The following PIP5K1B variants were observed in gnomAD, a reference collection of about 807,000 sequenced individuals.
PIP5K1B encodes phosphatidylinositol 4-phosphate 5-kinase type-1 beta.
In PIP5K1B, 42 loss-of-function variants were observed where a neutral mutation model predicts 67.0. The observed-to-expected ratio is 0.63, with a 90% confidence interval of 0.49 to 0.81. PIP5K1B has a LOEUF of 0.81. PIP5K1B is among the 30% of genes least tolerant of loss of function. The pLI, the probability that PIP5K1B is intolerant of heterozygous loss-of-function variation, is 0.00. For synonymous variants in PIP5K1B, 214 were observed against 231.4 expected (o/e 0.92, Z 0.68); for missense variants, 459 against 646.3 (o/e 0.71, Z 3.14).
At chr9:68,903,885 C>T (rs564942130) in intron 8 of PIP5K1B, among the ~76,000 whole-genome samples, 38 of 152,250 alleles carry the variant, frequency 2.5e-4, no homozygotes, top group East Asian at 1.7e-3. Flanking sequence ...TCATCAAATA[C>T]GTATATACAA....
intron 14 of PIP5K1B, chr9:68,941,032 A>T: frequency 1.7e-6 from 1 of 605,294 alleles, no homozygotes; most frequent in Non-Finnish European, 3.1e-6. Flanking sequence ...ACTTGGCTCA[A>T]TGGAAGAAGA....
chr9:68,858,434 G>A (rs886321293), intron 4 of PIP5K1B, among the ~76,000 whole-genome samples: 1 of 152,122 alleles, frequency 6.6e-6, no homozygotes, highest in Non-Finnish European at 1.5e-5. Flanking sequence ...CCTCATCCCT[G>A]GTAAAAATGC....
intron 4 of PIP5K1B, among the ~76,000 whole-genome samples, chr9:68,857,126 G>A (rs933200537): frequency 1.5e-4 from 23 of 152,166 alleles, no homozygotes; most frequent in Admixed American, 9.2e-4. Context: ...TGGACTCTAG[G>A]AACTGATTCC....
At chr9:68,777,412 G>A (rs541346562) in intron 2 of PIP5K1B, among the ~76,000 whole-genome samples, 7 of 152,288 alleles carry the variant, frequency 4.6e-5, no homozygotes, top group South Asian at 4.1e-4. Flanking sequence ...GTGGTACTCC[G>A]GAGGACAATA....
At position 68,774,170 on chromosome 9, in the gene PIP5K1B, T is replaced by G. The variant is rs561924021; in HGVS notation, c.-86+31513T>G. Reference sequence around the variant, plus strand: ...TCTTAGAAGTAACTAACTTTAAGGGTACTGTGGGAACAGGGTCAAGAAAAG... The same window carrying G: ...TCTTAGAAGTAACTAACTTTAAGGGGACTGTGGGAACAGGGTCAAGAAAAG... On this transcript the variant is annotated intron_variant, in intron 2 of 15. Transcript: ENST00000265382. Among the ~76,000 whole-genome samples, 11 of 152,268 alleles carry G rather than the reference T, an allele frequency of 7.2e-5. No individual in the cohort carries two copies. In the East Asian group the frequency reaches 1.5e-3, roughly 21 times the overall value.
At position 68,788,935 on chromosome 9, in the gene PIP5K1B, C is replaced by T. The variant is rs2132488862; in HGVS notation, c.-85-29526C>T. ...AGAGGGATGAAAGAAAGGATATGCT[C>T]AGATTTCCAGCACTTAAACACAAGG... On this transcript the variant is annotated intron_variant, in intron 2 of 15. Coordinates refer to ENST00000265382, the MANE Select transcript of PIP5K1B (RefSeq NM_003558.4). The T allele has an allele frequency of 1.3e-5, 4 of 307,352 alleles. No homozygotes were observed. In the East Asian group the frequency reaches 2.5e-4, roughly 19 times the overall value. 19.0% of individuals were successfully genotyped at this position (307,352 alleles called of 1,614,324 possible). A position where few individuals can be genotyped will look rare whatever the true frequency, so the allele number is the denominator to read the frequency against.
At chr9:68,796,893 C>T (rs975447795) in intron 2 of PIP5K1B, among the ~76,000 whole-genome samples, 3 of 152,168 alleles carry the variant, frequency 2.0e-5, no homozygotes, top group Admixed American at 1.3e-4. Flanking sequence ...CCCAGTGAAA[C>T]ATCTTAGAAA....
intron 14 of PIP5K1B, among the ~76,000 whole-genome samples, chr9:68,943,743 T>C (rs1039772897): frequency 6.6e-6 from 1 of 152,236 alleles, no homozygotes; most frequent in Admixed American, 6.5e-5. Context: ...ATGAATCATT[T>C]TTCTGTTCAG....
intron 1 of PIP5K1B, among the ~76,000 whole-genome samples, chr9:68,733,949 C>A (rs1828595836): frequency 6.6e-6 from 1 of 152,052 alleles, no homozygotes; most frequent in Non-Finnish European, 1.5e-5. Flanking sequence ...TACTTAGACT[C>A]TTTAAAGGAT....
At chr9:68,775,856 T>G (rs1314851236) in intron 2 of PIP5K1B, among the ~76,000 whole-genome samples, 1 of 152,168 alleles carries the variant, frequency 6.6e-6, no homozygotes, top group Non-Finnish European at 1.5e-5. Context: ...TCCATGTTGT[T>G]GGGTAAAGAG....
chr9:68,780,056 C>G (rs962484979), intron 2 of PIP5K1B: 1 of 1,397,582 alleles, frequency 7.2e-7, no homozygotes. Flanking sequence ...GAGGGGCCAG[C>G]CCGCTGACAG....
At chr9:68,991,083 T>A in intron 14 of PIP5K1B, 57 bp from the exon 15 acceptor site, 1 of 949,128 alleles carries the variant, frequency 1.1e-6, no homozygotes, top group South Asian at 1.3e-5. Context: ...ACTTTGGAGG[T>A]GTCTTTAGAT....
intron 15 of PIP5K1B, among the ~76,000 whole-genome samples, chr9:69,002,000 G>A (rs1830841480): frequency 6.6e-6 from 1 of 152,196 alleles, no homozygotes; most frequent in Admixed American, 6.5e-5. Flanking sequence ...ATCCATCCCA[G>A]GAGACGGCAC....
chr9:68,983,989 A>G lies in PIP5K1B; in HGVS notation c.1503-7151A>G, dbSNP rs372335119. ...AGGATCATTTGAGCTCAGGAGTCCA[A>G]GGCTGCAGCAAGCCAAGATTGCAAC... On this transcript the variant is annotated intron_variant, in intron 14 of 15. Transcript: ENST00000265382. 8.5e-5 allele frequency among the ~76,000 whole-genome samples: 13 copies of G among 152,344 alleles called. No individual in the cohort carries two copies. The South Asian group carries it at 2.7e-3, about 32-fold the overall frequency.
At chr9:68,947,838 A>G (rs1827875423) in intron 14 of PIP5K1B, among the ~76,000 whole-genome samples, 1 of 152,218 alleles carries the variant, frequency 6.6e-6, no homozygotes, top group Middle Eastern at 3.2e-3. Flanking sequence ...AAATACTCAT[A>G]GAAATGTCTT....
chr9:68,784,721 AGAT>A (rs1350490888), intron 2 of PIP5K1B: 2 of 157,610 alleles, frequency 1.3e-5, no homozygotes, highest in African/African-American at 2.4e-5. Flanking sequence ...TGAACCAAGA[AGAT>A]GATGATCATT....
chr9:68,726,883 C>T (rs543978370), intron 1 of PIP5K1B, among the ~76,000 whole-genome samples: 183 of 152,040 alleles, frequency 1.2e-3, no homozygotes, highest in African/African-American at 4.2e-3. Flanking sequence ...ATTTCCGTGA[C>T]GGCTAATCAT....
At chr9:68,864,117 G>GTTTA in intron 5 of PIP5K1B, 150 bp downstream of exon 5, 1 of 643,734 alleles carries the variant, frequency 1.6e-6, no homozygotes, top group South Asian at 2.4e-5. Flanking sequence ...TCCAAATGAT[G>GTTTA]TTTACTTCCT....
At chr9:68,913,405 CTAACTCTTAA>C in intron 8 of PIP5K1B, among the ~76,000 whole-genome samples, 1 of 152,176 alleles carries the variant, frequency 6.6e-6, no homozygotes, top group Non-Finnish European at 1.5e-5. Context: ...CAGAATGTTG[CTAACTCTTAA>C]AGCTCACACA....
Sources: gnomAD v4.1 joint callset for allele counts (sites outside exome capture counted in the v4.1 genomes callset) on GRCh38, gnomAD v4.1.1 for gene constraint, MANE v1.5 for transcripts, NCBI Gene and HGNC (gene_info 2026-07-23, HGNC 2026-07-21) for gene names.